Variants in RASAL2 observed in about 807,000 individuals in gnomAD.
The protein encoded by RASAL2 is RAS protein activator like 2, also known as ras GTPase-activating protein nGAP.
RASAL2 carries 58 observed loss-of-function variants against 128.9 expected under a neutral mutation model. The observed-to-expected ratio is 0.45, with a 90% CI of 0.36 to 0.56. The LOEUF (loss-of-function observed/expected upper bound fraction) is 0.56. Ranked by LOEUF, RASAL2 falls within the 20% of genes least tolerant of loss-of-function variation. RASAL2 has a pLI of 0.00. For synonymous variants in RASAL2, 561 were observed against 580.8 expected (o/e 0.97, Z 0.49); for missense variants, 1,360 against 1,601.6 (o/e 0.85, Z 2.57).
intron 1 of RASAL2, among the ~76,000 whole-genome samples, chr1:178,116,582 C>G (rs1370775195): frequency 6.6e-6 from 1 of 151,632 alleles, no homozygotes; most frequent in Non-Finnish European, 1.5e-5. Context: ...AATCTTTGCT[C>G]AAAGTTTCTT....
At chr1:178,398,594 ATTCT>A (rs879774571) in intron 4 of RASAL2, among the ~76,000 whole-genome samples, 1 of 152,184 alleles carries the variant, frequency 6.6e-6, no homozygotes, top group Non-Finnish European at 1.5e-5. Flanking sequence ...TTTGGCAAAC[ATTCT>A]TTCATTCAGT....
chr1:178,324,715 A>G (rs1303377099), intron 3 of RASAL2, among the ~76,000 whole-genome samples: 2 of 152,162 alleles, frequency 1.3e-5, no homozygotes, highest in African/African-American at 4.8e-5. Flanking sequence ...AATATCGTTT[A>G]ATTGTACATG....
At chr1:178,153,662 C>T (rs1393992265) in intron 1 of RASAL2, among the ~76,000 whole-genome samples, 1 of 152,068 alleles carries the variant, frequency 6.6e-6, no homozygotes, top group East Asian at 1.9e-4. Context: ...GAATAGTATT[C>T]CATTGTATGA....
At chr1:178,322,273 AAAATATTTCCCACTTTTT>A (rs1668830324) in intron 3 of RASAL2, among the ~76,000 whole-genome samples, 1 of 152,074 alleles carries the variant, frequency 6.6e-6, no homozygotes, top group African/African-American at 2.4e-5. Flanking sequence ...CGTACTTTTT[AAAATATTTCCCACTTTTT>A]AAATGCAGAT....
chr1:178,328,623 T>C (rs1236036091), intron 3 of RASAL2, among the ~76,000 whole-genome samples: 1 of 152,200 alleles, frequency 6.6e-6, no homozygotes, highest in Non-Finnish European at 1.5e-5. Flanking sequence ...TAGGTAGACA[T>C]AATGATGACA....
intron 4 of RASAL2, among the ~76,000 whole-genome samples, chr1:178,412,861 G>T (rs1183038092): frequency 6.6e-5 from 10 of 152,134 alleles, no homozygotes; most frequent in African/African-American, 1.9e-4. Flanking sequence ...AGTCCTACCA[G>T]GTTCTCACAG....
rs1648525803 is a variant in RASAL2 at position 178,474,324 on chromosome 1, C to T, written c.*1085C>T. 4 of 152,560 alleles carry T rather than the reference C, an allele frequency of 2.6e-5. No individual in the cohort carries two copies. The highest frequency in any genetic ancestry group is 2.6e-4 in the Admixed American group (4 of 15,280). 9.5% of individuals were successfully genotyped at this position (152,560 alleles called of 1,614,324 possible). On this transcript the variant is annotated 3_prime_UTR_variant, in exon 18 of 18. Coordinates refer to ENST00000367649, the MANE Select transcript of RASAL2 (RefSeq NM_170692.4). ...TTTTTGTTTGGGATAAAGACTCTAT[C>T]CATTGTACTAGCAAATCTATGGGGG...
At chr1:178,142,709 G>GA (rs1660577644) in intron 1 of RASAL2, among the ~76,000 whole-genome samples, 1 of 152,156 alleles carries the variant, frequency 6.6e-6, no homozygotes. Context: ...TAATGCCTGG[G>GA]ATACTCCCTG....
chr1:178,468,770 G>A (rs146992461), intron 17 of RASAL2, among the ~76,000 whole-genome samples: 284 of 152,220 alleles, frequency 1.9e-3, no homozygotes, highest in East Asian at 9.8e-3. Context: ...TAAGGGTAGT[G>A]GAGACTAGGC....
chr1:178,442,806 C>T lies in RASAL2; in HGVS notation c.1059C>T (p.Thr353=). 1 of 1,613,800 alleles carries T rather than the reference C, an allele frequency of 6.2e-7. No homozygotes were observed. The highest frequency in any genetic ancestry group is 8.5e-7 in the Non-Finnish European group (1 of 1,179,930). The change falls in exon 8 of 18, where the codon ACC becomes ACT. Residue 353 remains threonine, a synonymous_variant. Transcript: ENST00000367649. ...DTLFARTTSK[T]KADNIFWGEH... ...TCTTTGCTCGTACAACCAGCAAGAC[C>T]AAAGCAGACAATATTTTCTGGGGCG...
At chr1:178,160,454 G>A (rs1661241068) in intron 1 of RASAL2, among the ~76,000 whole-genome samples, 1 of 152,128 alleles carries the variant, frequency 6.6e-6, no homozygotes, top group African/African-American at 2.4e-5. Flanking sequence ...GGCCAACATG[G>A]CAAAACCCAG....
chr1:178,103,766 T>A (rs1443197635), intron 1 of RASAL2, among the ~76,000 whole-genome samples: 4 of 152,114 alleles, frequency 2.6e-5, no homozygotes, highest in Non-Finnish European at 4.4e-5. Context: ...CTCTTAGTAT[T>A]TAAGTAAAGA....
At chr1:178,224,215 A>G (rs1436788643) in intron 1 of RASAL2, among the ~76,000 whole-genome samples, 1 of 150,284 alleles carries the variant, frequency 6.7e-6, no homozygotes, top group Non-Finnish European at 1.5e-5. Flanking sequence ...AGGTTAGGGG[A>G]AAACTAGAAT....
chr1:178,396,028 G>A (rs10913547), intron 4 of RASAL2, among the ~76,000 whole-genome samples: 5,770 of 151,308 alleles, frequency 0.038, 346 homozygotes, highest in African/African-American at 0.13. Context: ...TCTCAGAGCA[G>A]AGAAAAAAAA....
intron 1 of RASAL2, among the ~76,000 whole-genome samples, chr1:178,131,375 CTTTTT>C (rs71108028): frequency 6.1e-5 from 5 of 82,602 alleles, no homozygotes; most frequent in African/African-American, 2.7e-4. Flanking sequence ...CCTGGATAAT[CTTTTT>C]TTTTTTTTTT....
intron 1 of RASAL2, among the ~76,000 whole-genome samples, chr1:178,154,408 CA>C (rs1661014159): frequency 6.6e-6 from 1 of 152,104 alleles, no homozygotes; most frequent in Non-Finnish European, 1.5e-5. Flanking sequence ...CTTGGCTTCC[CA>C]AAGTGCTGGG....
intron 1 of RASAL2, among the ~76,000 whole-genome samples, chr1:178,130,970 C>T (rs1201714402): frequency 2.6e-5 from 4 of 151,046 alleles, no homozygotes; most frequent in Non-Finnish European, 5.9e-5. Flanking sequence ...AGGAGAATGG[C>T]GTGAACCCGG....
chr1:178,353,146 C>T (rs1670607621), intron 3 of RASAL2, among the ~76,000 whole-genome samples: 1 of 152,226 alleles, frequency 6.6e-6, no homozygotes, highest in Admixed American at 6.5e-5. Context: ...TGAAAATGGG[C>T]TCTTCTCTTC....
intron 3 of RASAL2, among the ~76,000 whole-genome samples, chr1:178,345,284 T>C (rs560030336): frequency 3.8e-4 from 58 of 152,288 alleles, no homozygotes; most frequent in African/African-American, 1.4e-3. Flanking sequence ...TGCAGCCCTA[T>C]TCTTTGAAGA....
Sources: gnomAD v4.1 joint callset for allele counts (sites outside exome capture counted in the v4.1 genomes callset) on GRCh38, gnomAD v4.1.1 for gene constraint, MANE v1.5 for transcripts, NCBI Gene and HGNC (gene_info 2026-07-23, HGNC 2026-07-21) for gene names.